The following CHCHD6 variants were observed in gnomAD, a reference collection of about 807,000 sequenced individuals.
CHCHD6 encodes the protein MICOS complex subunit MIC25.
Under a neutral mutation model 32.3 loss-of-function variants are expected in CHCHD6, and 28 were observed. That is an observed-to-expected ratio of 0.87 (90% CI 0.64 to 1.19). The LOEUF is 1.19. Among genes scored for constraint, CHCHD6 ranks in the 50% most tolerant of loss-of-function variants. The pLI is 0.00. For missense variants in CHCHD6, 333 were observed against 307.0 expected (o/e 1.08, Z -0.63); for synonymous variants, 122 against 117.5 (o/e 1.04, Z -0.25).
intron 1 of CHCHD6, among the ~76,000 whole-genome samples, chr3:126,720,871 TACACTGACTC>T (rs1935251161): frequency 6.6e-6 from 1 of 152,144 alleles, no homozygotes; most frequent in South Asian, 2.1e-4. Flanking sequence ...CATTCTCCCA[TACACTGACTC>T]ACTCAGGGTC....
At chr3:126,914,615 C>T (rs369569385) in intron 5 of CHCHD6, 65 bp from the exon 6 acceptor site, 2 of 868,066 alleles carry the variant, frequency 2.3e-6, no homozygotes, top group Non-Finnish European at 4.0e-6. Context: ...AATGTGGTTG[C>T]ATCCCATTAG....
chr3:126,804,565 T>A (rs1466782078), intron 4 of CHCHD6, among the ~76,000 whole-genome samples: 2 of 152,246 alleles, frequency 1.3e-5, no homozygotes, highest in African/African-American at 4.8e-5. Context: ...ATTGTGGCAA[T>A]AATCAATAGC....
chr3:126,750,526 T>C (rs1936683128), intron 4 of CHCHD6, among the ~76,000 whole-genome samples: 1 of 152,246 alleles, frequency 6.6e-6, no homozygotes, highest in Non-Finnish European at 1.5e-5. Context: ...TGGGAATTGC[T>C]TCAGGATAAG....
chr3:126,720,918 G>C (rs1391242645), intron 1 of CHCHD6, among the ~76,000 whole-genome samples: 1 of 152,200 alleles, frequency 6.6e-6, no homozygotes, highest in Non-Finnish European at 1.5e-5. Flanking sequence ...CAAAAAAGGA[G>C]CAAATGGGCA....
At chr3:126,766,919 A>T (rs1316967041) in intron 4 of CHCHD6, 3 of 1,045,622 alleles carry the variant, frequency 2.9e-6, no homozygotes, top group Non-Finnish European at 3.0e-6. Context: ...AGCCGGCCAT[A>T]GCCACTGAAG....
chr3:126,802,599 G>A (rs1446261043), intron 4 of CHCHD6, among the ~76,000 whole-genome samples: 2 of 152,216 alleles, frequency 1.3e-5, no homozygotes, highest in African/African-American at 4.8e-5. Context: ...TGGTGTACCT[G>A]AAAGTGACGG....
chr3:126,794,555 T>C (rs1342305721), intron 4 of CHCHD6, among the ~76,000 whole-genome samples: 2 of 152,036 alleles, frequency 1.3e-5, no homozygotes, highest in Admixed American at 6.6e-5. Flanking sequence ...CTGGAGTGTT[T>C]TCTCCAGTAA....
chr3:126,956,638 G>A (rs1388656311), intron 6 of CHCHD6, among the ~76,000 whole-genome samples: 1 of 150,148 alleles, frequency 6.7e-6, no homozygotes, highest in Non-Finnish European at 1.5e-5. Flanking sequence ...AAATCTGGAA[G>A]GAGACCAACC....
At chr3:126,759,832 G>T (rs1189343160) in intron 4 of CHCHD6, among the ~76,000 whole-genome samples, 1 of 152,162 alleles carries the variant, frequency 6.6e-6, no homozygotes, top group Non-Finnish European at 1.5e-5. Flanking sequence ...AATATCTGAG[G>T]CTGGGTAGTT....
chr3:126,859,507 G>C (rs1162521859), intron 5 of CHCHD6, among the ~76,000 whole-genome samples: 2 of 152,228 alleles, frequency 1.3e-5, no homozygotes, highest in African/African-American at 4.8e-5. Context: ...GCTGATGATT[G>C]AGAAGTATCA....
intron 1 of CHCHD6, among the ~76,000 whole-genome samples, chr3:126,712,872 A>G (rs1476940071): frequency 2.6e-5 from 4 of 152,126 alleles, no homozygotes; most frequent in African/African-American, 9.7e-5. Context: ...AATGGGACTC[A>G]CCCGCATTTC....
At chr3:126,874,269 C>T (rs2077513392) in intron 5 of CHCHD6, among the ~76,000 whole-genome samples, 2 of 152,162 alleles carry the variant, frequency 1.3e-5, no homozygotes, top group Non-Finnish European at 2.9e-5. Context: ...GCTCTCAGGA[C>T]CAGTTAAAAG....
chr3:126,752,165 G>T (rs1026735863), intron 4 of CHCHD6, among the ~76,000 whole-genome samples: 11 of 152,190 alleles, frequency 7.2e-5, no homozygotes, highest in African/African-American at 2.7e-4. Context: ...AGCTGTTTGG[G>T]CTTAGAAAAG....
intron 5 of CHCHD6, among the ~76,000 whole-genome samples, chr3:126,861,086 A>G (rs1281442349): frequency 2.0e-5 from 3 of 152,136 alleles, no homozygotes; most frequent in Non-Finnish European, 2.9e-5. Flanking sequence ...CTAGAGTTGC[A>G]TTTCCGTTTA....
At chr3:126,715,157 C>T (rs1455709125) in intron 1 of CHCHD6, among the ~76,000 whole-genome samples, 1 of 152,154 alleles carries the variant, frequency 6.6e-6, no homozygotes, top group Non-Finnish European at 1.5e-5. Context: ...GTTTCCCAGT[C>T]TTCCCTTCTA....
intron 6 of CHCHD6, among the ~76,000 whole-genome samples, chr3:126,919,310 C>CTTTTTTTTTTTTTTTTTTTTTT (rs869129860): frequency 3.4e-5 from 1 of 29,232 alleles, no homozygotes; most frequent in Non-Finnish European, 1.3e-4. Context: ...TATTTCTTTT[C>CTTTTTTTTTTTTTTTTTTTTTT]TTTTTTCTTT....
At chr3:126,829,685 A>G (rs1181035004) in intron 4 of CHCHD6, among the ~76,000 whole-genome samples, 4 of 152,118 alleles carry the variant, frequency 2.6e-5, no homozygotes, top group Non-Finnish European at 4.4e-5. Context: ...CTTTCTCTCT[A>G]TCATGTGACG....
At chr3:126,863,475 C>T (rs1942050057) in intron 5 of CHCHD6, among the ~76,000 whole-genome samples, 1 of 144,692 alleles carries the variant, frequency 6.9e-6, no homozygotes, top group Non-Finnish European at 1.5e-5. Flanking sequence ...CCTCCTCCAC[C>T]ACCATCACCA....
intron 4 of CHCHD6, among the ~76,000 whole-genome samples, chr3:126,799,710 G>T (rs959324183): frequency 2.6e-5 from 4 of 152,060 alleles, no homozygotes; most frequent in African/African-American, 9.7e-5. Flanking sequence ...TTCGCCTGGT[G>T]TCCTTTTTTC....
Sources: allele counts gnomAD v4.1 joint callset (sites outside exome capture counted in the v4.1 genomes callset), GRCh38; gene constraint gnomAD v4.1.1; transcripts MANE v1.5; gene names NCBI Gene and HGNC (gene_info 2026-07-23, HGNC 2026-07-21).